Variants in EXT2 observed in about 807,000 individuals in gnomAD.
EXT2 encodes the protein exostosin-2.
A neutral mutation model predicts 81.6 loss-of-function variants in EXT2; 53 were observed. That is an observed-to-expected ratio of 0.65 (90% CI 0.52 to 0.82). The LOEUF is 0.82. Ranked by LOEUF, EXT2 falls within the 40% of genes least tolerant of loss-of-function variation. The pLI, the probability that EXT2 is intolerant of heterozygous loss-of-function variation, is 0.00. For synonymous variants in EXT2, 320 were observed against 340.0 expected, an observed-to-expected ratio of 0.94 and a Z score of 0.65; for missense variants, 774 against 910.2, an observed-to-expected ratio of 0.85 and a Z score of 1.93.
chr11:44,111,665 A>G (rs1954144373), intron 3 of EXT2, among the ~76,000 whole-genome samples: 1 of 152,194 alleles, frequency 6.6e-6, no homozygotes, highest in Admixed American at 6.5e-5. Context: ...TCACACCTAT[A>G]TAAAGAAGCG....
At chr11:44,198,901 G>C (rs1304515212) in intron 9 of EXT2, among the ~76,000 whole-genome samples, 2 of 152,198 alleles carry the variant, frequency 1.3e-5, no homozygotes, top group African/African-American at 4.8e-5. Flanking sequence ...TAGATCTATA[G>C]TCTAGGCTGG....
chr11:44,165,364 T>C (rs116555567), intron 7 of EXT2, among the ~76,000 whole-genome samples: 2,704 of 152,330 alleles, frequency 0.018, 87 homozygotes, highest in African/African-American at 0.061. Flanking sequence ...CTATAAATTA[T>C]AATACCTTCT....
At chr11:44,160,330 T>G (rs1193198265) in intron 7 of EXT2, among the ~76,000 whole-genome samples, 1 of 152,242 alleles carries the variant, frequency 6.6e-6, no homozygotes, top group African/African-American at 2.4e-5. Flanking sequence ...CTGTTCAGTT[T>G]CCAAGGCAGC....
Position 44,244,227 on chromosome 11 carries a change from C to T in EXT2, c.2097C>T (p.Val699=). The T allele has an allele frequency of 1.9e-6, 3 of 1,614,046 alleles. No individual in the cohort carries two copies. The highest frequency in any genetic ancestry group is 2.7e-5 in the African/African-American group (2 of 75,040). ...TGGTGGAACACCGAGCTGACCCTGT[C>T]CTGTACAAAGATGACTTTCCTGAGA... ...LKVVEHRADP[V]LYKDDFPEKL... The change falls in exon 14 of 14, where the codon GTC becomes GTT. Residue 699 remains valine (V), a synonymous_variant. Coordinates refer to ENST00000533608, the MANE Select transcript of EXT2 (RefSeq NM_207122.2).
rs533187850 is a variant in EXT2, at chr11:44,243,321, C to A, written c.2019-828C>A. On this transcript the variant is annotated intron_variant, in intron 13 of 13. Coordinates refer to ENST00000533608, the MANE Select transcript of EXT2 (RefSeq NM_207122.2). ...GACCAGAGCCATTCCCGAACACATGCCTGACCTGCTCACCTCTGAGAAGGC... is the reference window on the plus strand; with the variant it reads ...GACCAGAGCCATTCCCGAACACATGACTGACCTGCTCACCTCTGAGAAGGC... Among the ~76,000 whole-genome samples, 12 of 152,288 alleles carry A rather than the reference C, an allele frequency of 7.9e-5. No homozygotes were observed. The South Asian group carries it at 2.3e-3, about 29-fold the overall frequency.
intron 4 of EXT2, among the ~76,000 whole-genome samples, chr11:44,122,416 T>C (rs1343374296): frequency 3.3e-5 from 5 of 152,174 alleles, no homozygotes; most frequent in Non-Finnish European, 5.9e-5. Context: ...TGAGCAAAGA[T>C]GGTGTTTAGT....
intron 10 of EXT2, among the ~76,000 whole-genome samples, chr11:44,222,832 G>A (rs1425501176): frequency 6.6e-6 from 1 of 152,074 alleles, no homozygotes; most frequent in African/African-American, 2.4e-5. Flanking sequence ...CTTGTGAAGA[G>A]GACAAAAAGA....
chr11:44,105,703 C>G (rs147483709), intron 1 of EXT2, among the ~76,000 whole-genome samples: 27 of 152,310 alleles, frequency 1.8e-4, no homozygotes, highest in African/African-American at 6.0e-4. Flanking sequence ...TGCCCTCCCC[C>G]GAAACAGTAT....
At chr11:44,117,398 A>C (rs915083136) in intron 4 of EXT2, among the ~76,000 whole-genome samples, 1 of 152,226 alleles carries the variant, frequency 6.6e-6, no homozygotes, top group Non-Finnish European at 1.5e-5. Context: ...ATCCAAGGCC[A>C]TGAAGATTTA....
intron 1 of EXT2, among the ~76,000 whole-genome samples, chr11:44,096,817 G>A (rs530552146): frequency 6.6e-6 from 1 of 152,328 alleles, no homozygotes; most frequent in African/African-American, 2.4e-5. Context: ...TGAAGATATG[G>A]TCTTGAAATA....
rs12800404 is a variant in EXT2 at position 44,095,822 on chromosome 11, C to G, written c.-61C>G. 8,403 of 166,824 alleles carry G rather than the reference C, an allele frequency of 0.05. 329 individuals are homozygous for G. Among genetic ancestry groups the G allele is most frequent in the Non-Finnish European group, 0.078 (6,121 of 78,740 alleles). The allele number at this position is 166,824 out of a possible 1,614,324, so 10.3% of individuals were successfully genotyped here. A position where few individuals can be genotyped will look rare whatever the true frequency, so the allele number is the denominator to read the frequency against. ...CGCGGCATGAGCCGGTGACCAAGCT[C>G]GGGGCCGAGCGGGAGGCAGCCGTGG... On this transcript the variant is annotated 5_prime_UTR_variant, in exon 1 of 14. Transcript: ENST00000533608.
chr11:44,196,125 ACTTT>A (rs1191207768), intron 8 of EXT2, among the ~76,000 whole-genome samples: 3 of 152,160 alleles, frequency 2.0e-5, no homozygotes, highest in African/African-American at 4.8e-5. Context: ...AAAGAGATTG[ACTTT>A]CTTTCATCAC....
At chr11:44,213,223 AGAAG>A (rs1379052008) in intron 10 of EXT2, among the ~76,000 whole-genome samples, 1 of 152,214 alleles carries the variant, frequency 6.6e-6, no homozygotes, top group East Asian at 1.9e-4. Context: ...CAAAGCAAGT[AGAAG>A]GAAGAAAGCT....
intron 6 of EXT2, among the ~76,000 whole-genome samples, chr11:44,128,505 A>T (rs748086632): frequency 7.2e-5 from 11 of 152,210 alleles, no homozygotes; most frequent in Admixed American, 6.5e-4. Context: ...AGGGACACTC[A>T]TAGTGTAGTG....
In EXT2 at chr11:44,247,363, C is replaced by T. The variant is rs1956104295; in HGVS notation, c.*3076C>T. 6.6e-6 allele frequency among the ~76,000 whole-genome samples: 1 copy of T among 151,636 alleles called. No homozygotes were observed. The highest frequency in any genetic ancestry group is 1.5e-5 in the Non-Finnish European group (1 of 67,980). On this transcript the variant is annotated 3_prime_UTR_variant, in exon 14 of 14. Transcript: ENST00000533608. ...CTCCCAGGTTCAAGTGATTCTCCTG[C>T]CTCAGCCTCCTGAGTAGCTGGGATT...
intron 7 of EXT2, among the ~76,000 whole-genome samples, chr11:44,137,581 G>A (rs115039353): frequency 4.0e-5 from 6 of 151,698 alleles, no homozygotes; most frequent in Middle Eastern, 6.3e-3. Context: ...TCACAGTCTA[G>A]ATGGAGAGAC....
chr11:44,150,033 T>C (rs571884202), intron 7 of EXT2, among the ~76,000 whole-genome samples: 4 of 152,354 alleles, frequency 2.6e-5, no homozygotes, highest in East Asian at 1.9e-4. Flanking sequence ...CTTTGGAACA[T>C]GCTAGGGAAA....
At chr11:44,101,277 G>A (rs7936373) in intron 1 of EXT2, among the ~76,000 whole-genome samples, 8,881 of 152,216 alleles carry the variant, frequency 0.058, 275 homozygotes, top group East Asian at 0.12. Context: ...CGGCTGGGCA[G>A]GCTCCTTGAA....
intron 13 of EXT2, 32 bp downstream of exon 13, chr11:44,236,407 A>G (rs745401031): frequency 2.5e-6 from 4 of 1,600,812 alleles, no homozygotes; most frequent in Non-Finnish European, 3.4e-6. Flanking sequence ...AGTGCGCCTT[A>G]GCCTCTGATC....
Sources: allele counts gnomAD v4.1 joint callset (sites outside exome capture counted in the v4.1 genomes callset), GRCh38; gene constraint gnomAD v4.1.1; transcripts MANE v1.5; gene names NCBI Gene and HGNC (gene_info 2026-07-23, HGNC 2026-07-21).